The following XPNPEP1 variants were observed in gnomAD, a reference collection of about 807,000 sequenced individuals.
The protein encoded by XPNPEP1 is xaa-Pro aminopeptidase 1.
XPNPEP1 carries 39 observed loss-of-function variants against 92.4 expected under a neutral mutation model. The ratio of observed to expected loss-of-function variants is 0.42; its 90% CI spans 0.33 to 0.55. The LOEUF (loss-of-function observed/expected upper bound fraction) is 0.55. XPNPEP1 is among the 20% of genes least tolerant of loss of function. The pLI is 0.08. For synonymous variants in XPNPEP1, 307 were observed against 299.4 expected, an observed-to-expected ratio of 1.03 and a Z score of -0.26; for missense variants, 654 against 856.1, an observed-to-expected ratio of 0.76 and a Z score of 2.95.
intron 1 of XPNPEP1, among the ~76,000 whole-genome samples, chr10:109,920,797 C>G (rs552736284): frequency 5.9e-5 from 9 of 152,154 alleles, no homozygotes; most frequent in Non-Finnish European, 1.2e-4. Flanking sequence ...CCTCCCACCT[C>G]AGCCTCCCAA....
chr10:109,891,806 CTTCTG>C lies in XPNPEP1; in HGVS notation c.326_330del (p.Thr109ArgfsTer8). The C allele has an allele frequency of 6.2e-7, 1 of 1,609,460 alleles. No homozygotes were observed. Among genetic ancestry groups the C allele is most frequent in the Non-Finnish European group, 8.5e-7 (1 of 1,178,708 alleles). ...CCGTCAGTCCACATGGCTGCATGCT[CTTCTG>C]TGATGATGGCTGTGCCTGAAGCAGG... On this transcript the variant is annotated frameshift_variant, in exon 5 of 21. Coordinates refer to ENST00000502935, the MANE Select transcript of XPNPEP1 (RefSeq NM_020383.4). LOFTEE classifies it high-confidence loss of function.
At chr10:109,885,899 A>G (rs1016407389) in intron 8 of XPNPEP1, among the ~76,000 whole-genome samples, 54 of 152,214 alleles carry the variant, frequency 3.5e-4, no homozygotes, top group African/African-American at 1.3e-3. Context: ...AAGTGTAAAG[A>G]AAGAAGGCCT....
rs1255589047 is a variant in XPNPEP1, at chr10:109,870,815, A to G, written c.1612T>C (p.Leu538=). 6.2e-7 allele frequency: 1 copy of G among 1,614,096 alleles called. No homozygotes were observed. Among genetic ancestry groups the G allele is most frequent in the Admixed American group, 1.7e-5 (1 of 60,010 alleles). Residue 538 remains leucine (L), a synonymous_variant, in exon 18 of 21, where the codon TTG becomes CTG. Coordinates refer to ENST00000502935, the MANE Select transcript of XPNPEP1 (RefSeq NM_020383.4). ...HGTGHGVGSF[L]NVHEGPCGIS... ...CCGCAAGGACCCTCATGGACATTCAAAAAAGACCCAACACCATGTCCAGTC... is the reference window on the plus strand; with the variant it reads ...CCGCAAGGACCCTCATGGACATTCAGAAAAGACCCAACACCATGTCCAGTC...
intron 18 of XPNPEP1, 80 bp from the exon 19 acceptor site, chr10:109,870,109 G>T: frequency 2.0e-6 from 3 of 1,467,440 alleles, no homozygotes; most frequent in Non-Finnish European, 1.9e-6. Flanking sequence ...CTCCTTGGAT[G>T]ACTGCCCTAC....
At chr10:109,894,401 C>T (rs961358363) in intron 3 of XPNPEP1, among the ~76,000 whole-genome samples, 1 of 151,870 alleles carries the variant, frequency 6.6e-6, no homozygotes, top group African/African-American at 2.4e-5. Flanking sequence ...CATGGTGGCA[C>T]GTGCCTGTAG....
chr10:109,902,648 G>A (rs781624936), intron 3 of XPNPEP1, among the ~76,000 whole-genome samples: 3 of 152,182 alleles, frequency 2.0e-5, no homozygotes, highest in Non-Finnish European at 2.9e-5. Flanking sequence ...AGAAAGAGTG[G>A]AGAGGGGTGA....
intron 1 of XPNPEP1, among the ~76,000 whole-genome samples, chr10:109,919,995 G>A (rs1850446100): frequency 6.6e-6 from 1 of 151,630 alleles, no homozygotes; most frequent in South Asian, 2.1e-4. Flanking sequence ...TCGTGCCACT[G>A]CACTCCAGCC....
chr10:109,884,955 T>C (rs1848313430), intron 8 of XPNPEP1, among the ~76,000 whole-genome samples: 1 of 152,234 alleles, frequency 6.6e-6, no homozygotes, highest in African/African-American at 2.4e-5. Context: ...CACCATTTTT[T>C]ACCTATCATA....
At chr10:109,914,971 TTTAC>T in intron 2 of XPNPEP1, 36 bp downstream of exon 2, 3 of 1,394,960 alleles carry the variant, frequency 2.2e-6, no homozygotes, top group Non-Finnish European at 2.9e-6. Flanking sequence ...TCTAAAATCC[TTTAC>T]AGATGTTCCA....
At chr10:109,917,625 G>A (rs996373687) in intron 1 of XPNPEP1, among the ~76,000 whole-genome samples, 3 of 152,184 alleles carry the variant, frequency 2.0e-5, no homozygotes, top group Non-Finnish European at 4.4e-5. Flanking sequence ...CTGACAAGCA[G>A]ATTCTAAAAT....
At chr10:109,886,793 G>A (rs941962540) in intron 7 of XPNPEP1, among the ~76,000 whole-genome samples, 12 of 152,156 alleles carry the variant, frequency 7.9e-5, no homozygotes, top group Non-Finnish European at 7.3e-5. Flanking sequence ...ACCCAGCAAA[G>A]GGAACTCACC....
At chr10:109,895,890 T>C (rs1011420400) in intron 3 of XPNPEP1, among the ~76,000 whole-genome samples, 4 of 152,232 alleles carry the variant, frequency 2.6e-5, no homozygotes, top group South Asian at 2.1e-4. Context: ...TCTAAGATCA[T>C]GTTAGCAACC....
At chr10:109,877,910 AC>A in intron 13 of XPNPEP1, 43 bp from the exon 14 acceptor site, 1 of 1,614,170 alleles carries the variant, frequency 6.2e-7, no homozygotes, top group Non-Finnish European at 8.5e-7. Flanking sequence ...AAAGGTTTTT[AC>A]TGTGCTAAGA....
chr10:109,906,596 T>C (rs1456363369), intron 3 of XPNPEP1, among the ~76,000 whole-genome samples: 2 of 152,150 alleles, frequency 1.3e-5, no homozygotes, highest in African/African-American at 2.4e-5. Flanking sequence ...ATAAAGCATT[T>C]TTATTGCTCA....
chr10:109,908,868 G>A (rs1023263183), intron 2 of XPNPEP1, among the ~76,000 whole-genome samples: 14 of 152,130 alleles, frequency 9.2e-5, no homozygotes, highest in African/African-American at 3.4e-4. Context: ...AGAAAGTTCC[G>A]TCCACTAGGA....
intron 9 of XPNPEP1, 168 bp downstream of exon 9, chr10:109,883,898 TA>T: frequency 1.6e-6 from 1 of 626,100 alleles, no homozygotes; most frequent in Non-Finnish European, 2.7e-6. Context: ...AGGATATAAA[TA>T]AACACCTACT....
intron 2 of XPNPEP1, among the ~76,000 whole-genome samples, chr10:109,912,292 T>G (rs933270448): frequency 6.6e-6 from 1 of 152,216 alleles, no homozygotes; most frequent in Non-Finnish European, 1.5e-5. Context: ...TTCTTTATCA[T>G]CAATATTAGA....
intron 3 of XPNPEP1, among the ~76,000 whole-genome samples, chr10:109,900,687 C>T (rs151000011): frequency 1.3e-3 from 204 of 152,298 alleles, no homozygotes; most frequent in African/African-American, 4.7e-3. Context: ...CAAGGCCTAA[C>T]AGGTTTCTCA....
intron 2 of XPNPEP1, among the ~76,000 whole-genome samples, chr10:109,908,105 T>C (rs1849656948): frequency 6.6e-6 from 1 of 152,208 alleles, no homozygotes; most frequent in Non-Finnish European, 1.5e-5. Context: ...TATTCAAGAA[T>C]AGGAGATAAG....
Sources: gnomAD v4.1 joint callset for allele counts (sites outside exome capture counted in the v4.1 genomes callset) on GRCh38, gnomAD v4.1.1 for gene constraint, MANE v1.5 for transcripts, NCBI Gene and HGNC (gene_info 2026-07-23, HGNC 2026-07-21) for gene names.